Variants in UCKL1 observed in about 807,000 individuals in gnomAD.
The protein encoded by UCKL1 is uridine-cytidine kinase-like 1.
UCKL1 carries 65 observed loss-of-function variants against 59.2 expected under a neutral mutation model. The observed-to-expected ratio is 1.10, with a 90% CI of 0.90 to 1.35. The LOEUF is 1.35. Among genes scored for constraint, UCKL1 ranks in the 40% most tolerant of loss-of-function variants. The pLI, the probability that UCKL1 is intolerant of heterozygous loss-of-function variation, is 0.00. For synonymous variants in UCKL1, 410 were observed against 323.1 expected (o/e 1.27, Z -2.88); for missense variants, 703 against 784.3 (o/e 0.90, Z 1.24).
In UCKL1 at chr20:63,946,477, G is replaced by A. The variant is rs756452935; in HGVS notation, c.280C>T (p.Gln94Ter). ...CCGATGGCGAAGGCCTCTTTGGATT[G>A]CGTGCCGTGTTCATTGTACCAGGGC... is the stretch of plus-strand genomic sequence containing the variant. ...RPPWYNEHGT[Q>*]SKEAFAIGLG... The change falls in exon 2 of 15, where the codon CAA becomes TAA. Residue 94 changes from glutamine to a stop codon, truncating the protein, a stop_gained. Coordinates refer to ENST00000354216, the MANE Select transcript of UCKL1 (RefSeq NM_017859.4). LOFTEE classifies it high-confidence loss of function. The A allele has an allele frequency of 1.2e-5, 19 of 1,571,882 alleles. No homozygotes were observed. The highest frequency in any genetic ancestry group is 1.5e-5 in the Non-Finnish European group (17 of 1,158,220).
rs747719361 is a variant in UCKL1, at chr20:63,940,589, G to A, written c.1302+5C>T. The A allele has an allele frequency of 1.2e-6, 2 of 1,607,500 alleles. No individual in the cohort carries two copies. Among genetic ancestry groups the A allele is most frequent in the South Asian group, 2.2e-5 (2 of 91,016 alleles). ...GGGCTCATCACCCCGGCTGCCCCCA[G>A]GCACCTCGGGCTCCCCGGTAAGCTG... On this transcript the variant is annotated splice_donor_5th_base_variant and intron_variant, in intron 12 of 14. Coordinates refer to ENST00000354216, the MANE Select transcript of UCKL1 (RefSeq NM_017859.4).
chr20:63,942,524 A>T, intron 8 of UCKL1: 1 of 1,160,608 alleles, frequency 8.6e-7, no homozygotes, highest in South Asian at 1.6e-5. Context: ...TCAGGGAGGG[A>T]ACAAGGCAGG....
At chr20:63,942,769 T>C in intron 8 of UCKL1, 1 of 460,946 alleles carries the variant, frequency 2.2e-6, no homozygotes, top group South Asian at 1.6e-5. Flanking sequence ...TGCGTTCAGG[T>C]GTTTTTCCAA....
chr20:63,956,355 G>C lies in UCKL1; in HGVS notation c.18C>G (p.Ala6=). 1 of 1,533,330 alleles carries C rather than the reference G, an allele frequency of 6.5e-7. No homozygotes were observed. Among genetic ancestry groups the C allele is most frequent in the Non-Finnish European group, 8.8e-7 (1 of 1,142,668 alleles). The allele number at this position is 1,533,330 out of a possible 1,614,324, so 95.0% of individuals were successfully genotyped here. Residue 6 remains alanine (A), a synonymous_variant, in exon 1 of 15, where the codon GCC becomes GCG. Coordinates refer to ENST00000354216, the MANE Select transcript of UCKL1 (RefSeq NM_017859.4). MAAPP[A]RADADPSPTS... is the part of the protein sequence containing the mutation. Reference sequence around the variant, plus strand: ...TGGGCGAAGGATCAGCGTCCGCGCGGGCCGGGGGCGCAGCCATGGCGCTCG... The same window carrying C: ...TGGGCGAAGGATCAGCGTCCGCGCGCGCCGGGGGCGCAGCCATGGCGCTCG...
chr20:63,951,735 C>T (rs1444628467), intron 1 of UCKL1, among the ~76,000 whole-genome samples: 1 of 151,460 alleles, frequency 6.6e-6, no homozygotes, highest in African/African-American at 2.4e-5. Flanking sequence ...GCCCAGGGCT[C>T]AGCAGGGCAC....
intron 8 of UCKL1, among the ~76,000 whole-genome samples, chr20:63,943,081 G>A (rs1286115831): frequency 6.6e-6 from 1 of 152,254 alleles, no homozygotes; most frequent in Non-Finnish European, 1.5e-5. Flanking sequence ...TGCCCTTGGG[G>A]AGGGACAGTG....
chr20:63,943,612 G>A, intron 8 of UCKL1, 41 bp downstream of exon 8: 1 of 1,612,372 alleles, frequency 6.2e-7, no homozygotes, highest in Non-Finnish European at 8.5e-7. Flanking sequence ...TGGAGGTGTT[G>A]GAAGTGCCTC....
intron 1 of UCKL1, chr20:63,953,679 G>A (rs1373601372): frequency 6.6e-6 from 1 of 152,306 alleles, no homozygotes; most frequent in African/African-American, 2.4e-5. Flanking sequence ...TCCAGCCCAG[G>A]ACTCTATCTC....
chr20:63,945,019 C>T (rs910916224), intron 5 of UCKL1, among the ~76,000 whole-genome samples: 2 of 152,198 alleles, frequency 1.3e-5, no homozygotes, highest in African/African-American at 4.8e-5. Flanking sequence ...GGTGAAGAGG[C>T]ATGGCATGGT....
chr20:63,945,215 G>A (rs56139491), intron 5 of UCKL1, among the ~76,000 whole-genome samples: 8,933 of 152,190 alleles, frequency 0.059, 404 homozygotes, highest in Non-Finnish European at 0.077. Flanking sequence ...GCTATGTGCC[G>A]GATGATGGAG....
At chr20:63,949,374 C>T (rs1038025297) in intron 1 of UCKL1, among the ~76,000 whole-genome samples, 1 of 152,108 alleles carries the variant, frequency 6.6e-6, no homozygotes, top group Non-Finnish European at 1.5e-5. Flanking sequence ...GCGGGGGCTG[C>T]AGCTGGAATG....
intron 1 of UCKL1, among the ~76,000 whole-genome samples, chr20:63,948,673 G>A (rs1207694518): frequency 8.2e-6 from 1 of 121,246 alleles, no homozygotes; most frequent in Non-Finnish European, 1.8e-5. Flanking sequence ...GTGAGAGGGA[G>A]GGGGTGTGTG....
chr20:63,945,690 A>G lies in UCKL1; in HGVS notation c.615T>C (p.Phe205=), dbSNP rs1569080509. 4 of 1,613,126 alleles carry G rather than the reference A, an allele frequency of 2.5e-6. No individual in the cohort carries two copies. The highest frequency in any genetic ancestry group is 3.4e-6 in the Non-Finnish European group (4 of 1,179,854). ...TGTCAGCAAAGGCCATGATGCCCTC[A>G]AAGATGATGACGTTTGCACCATACA... ...KTLYGANVII[F]EGIMAFADKT... Residue 205 remains phenylalanine, a synonymous_variant, in exon 5 of 15, where the codon TTT becomes TTC. Transcript: ENST00000354216.
rs1275286199 is a variant in UCKL1 at position 63,949,311 on chromosome 20, G to A, written c.114-2668C>T. ...GGGCGGCCCGGGGGACAGCACCACT[G>A]CACGGTGCCCTGAAGGGGGAGCAGG... On this transcript the variant is annotated intron_variant, in intron 1 of 14. Coordinates refer to ENST00000354216, the MANE Select transcript of UCKL1 (RefSeq NM_017859.4). 2.0e-5 allele frequency among the ~76,000 whole-genome samples: 3 copies of A among 152,192 alleles called. No homozygotes were observed. In the East Asian group the frequency reaches 5.8e-4, roughly 29 times the overall value.
At chr20:63,944,806 G>C in intron 5 of UCKL1, 72 bp from the exon 6 acceptor site, 1 of 1,561,948 alleles carries the variant, frequency 6.4e-7, no homozygotes, top group Non-Finnish European at 8.7e-7. Flanking sequence ...ACCAGCCCCT[G>C]CACTGAGGCC....
At position 63,946,185 on chromosome 20, in the gene UCKL1, C is replaced by T; in HGVS notation, c.387G>A (p.Leu129=). ...CCTTGTAGAAGGAGTCCATGGACAG[C>T]AAGACCACCCAGGGCACATCCAGGG... The part of the protein sequence containing the change: ...IEALDVPWVV[L]LSMDSFYKVL... Residue 129 remains leucine (L), a synonymous_variant, in exon 3 of 15, where the codon TTG becomes TTA. Coordinates refer to ENST00000354216, the MANE Select transcript of UCKL1 (RefSeq NM_017859.4). The T allele has an allele frequency of 1.2e-6, 2 of 1,612,088 alleles. No individual in the cohort carries two copies. The highest frequency in any genetic ancestry group is 1.7e-6 in the Non-Finnish European group (2 of 1,179,634).
rs762140758 is a variant in UCKL1, at chr20:63,940,073, G to T, written c.1568-18C>A. 2 of 1,609,304 alleles carry T rather than the reference G, an allele frequency of 1.2e-6. No homozygotes were observed. The highest frequency in any genetic ancestry group is 1.3e-5 in the African/African-American group (1 of 74,730). ...AAAGTTCCCTGGAAAAAGGGGGGGG[G>T]GGGTCCAGTGTGGTGGGGCCTCCCA... On this transcript the variant is annotated intron_variant, in intron 14 of 14. Coordinates refer to ENST00000354216, the MANE Select transcript of UCKL1 (RefSeq NM_017859.4).
At chr20:63,950,016 A>C (rs749778702) in intron 1 of UCKL1, among the ~76,000 whole-genome samples, 3 of 152,184 alleles carry the variant, frequency 2.0e-5, no homozygotes, top group African/African-American at 4.8e-5. Context: ...TCCTCATCCT[A>C]CTGAAGTAAC....
rs2056042447 is a variant in UCKL1, at chr20:63,945,864, C to T, written c.523G>A (p.Gly175Arg). The change falls in exon 4 of 15, where the codon GGG becomes AGG. Residue 175 changes from glycine to arginine, a missense_variant. By Grantham distance (125) the Gly-to-Arg change is moderately radical. This residue lies in a region of UCKL1 where 398 missense variants were observed against 373.0 expected (regional missense o/e 1.07). Transcript: ENST00000354216. ...IISTLKKLKQ[G>R]KSVKVPIYDF... The stretch of plus-strand genomic sequence containing the variant: ...TAAATGGGCACCTTGACACTCTTCC[C>T]CTGCTTCAGCTTCTTGAGGGTGGAA... The T allele has an allele frequency of 1.2e-6, 2 of 1,613,854 alleles. No homozygotes were observed. Among genetic ancestry groups the T allele is most frequent in the Non-Finnish European group, 1.7e-6 (2 of 1,179,994 alleles).
Sources: gnomAD v4.1 joint callset for allele counts (sites outside exome capture counted in the v4.1 genomes callset) on GRCh38, gnomAD v4.1.1 for gene constraint, gnomAD v4.1.1 regional missense constraint, MANE v1.5 for transcripts, NCBI Gene and HGNC (gene_info 2026-07-23, HGNC 2026-07-21) for gene names.